The following PRKAR1B variants were observed in gnomAD, a reference collection of about 807,000 sequenced individuals.
PRKAR1B encodes cAMP-dependent protein kinase type I-beta regulatory subunit.
A neutral mutation model predicts 46.5 loss-of-function variants in PRKAR1B; 22 were observed. The ratio of observed to expected loss-of-function variants is 0.47; its 90% confidence interval spans 0.34 to 0.68. The LOEUF (loss-of-function observed/expected upper bound fraction) is 0.68, where lower values mean the gene tolerates loss of function less well. Ranked by LOEUF, PRKAR1B falls within the 30% of genes least tolerant of loss-of-function variation. The pLI, the probability that PRKAR1B is intolerant of heterozygous loss-of-function variation, is 0.01. For synonymous variants in PRKAR1B, 259 were observed against 217.7 expected, an observed-to-expected ratio of 1.19 and a Z score of -1.67; for missense variants, 445 against 535.6, an observed-to-expected ratio of 0.83 and a Z score of 1.67.
chr7:685,379 TACATAC>T lies in PRKAR1B; in HGVS notation c.178-4659_178-4654del, dbSNP rs1385408964. On this transcript the variant is annotated intron_variant, in intron 2 of 10. Coordinates refer to ENST00000537384, the MANE Select transcript of PRKAR1B (RefSeq NM_001164760.2). ...ATATATATATACACATATATATATA[TACATAC>T]ATATATATATATATATGTATATATA... Among the ~76,000 whole-genome samples the T allele has an allele frequency of 5.0e-4, 8 of 16,040 alleles. No individual in the cohort carries two copies. The South Asian group carries it at 0.011, about 22-fold the overall frequency. The allele number at this position is 16,040 out of a possible 152,430, so 10.5% of individuals were successfully genotyped here. A position where few individuals can be genotyped will look rare whatever the true frequency, so the allele number is the denominator to read the frequency against.
At chr7:559,362 C>G (rs546308475) in intron 9 of PRKAR1B, among the ~76,000 whole-genome samples, 1 of 152,198 alleles carries the variant, frequency 6.6e-6, no homozygotes, top group Non-Finnish European at 1.5e-5. Flanking sequence ...GCTGGTGCCA[C>G]GGCTGGGAGA....
intron 2 of PRKAR1B, among the ~76,000 whole-genome samples, chr7:687,473 G>C (rs922453979): frequency 6.6e-6 from 1 of 152,300 alleles, no homozygotes; most frequent in Middle Eastern, 3.4e-3. Context: ...GAAACACAAG[G>C]GAAGAAATTA....
rs536129868 is a variant in PRKAR1B at position 717,896 on chromosome 7, CT to C, written c.-22-6370del. 2.0e-3 allele frequency among the ~76,000 whole-genome samples: 300 copies of C among 152,100 alleles called. 1 individual carries two copies. The highest frequency in any genetic ancestry group is 3.3e-3 in the Non-Finnish European group (226 of 67,966). On this transcript the variant is annotated intron_variant, in intron 1 of 10. Transcript: ENST00000537384. ...TGTGTGTAGGTCCTGAGGCTCACCC[CT>C]GCCCGGTGGGGTACAGCAAAGGTGA...
At position 602,180 on chromosome 7, in the gene PRKAR1B, C is replaced by A. The variant is rs1337499697; in HGVS notation, c.549+4013G>T. Among the ~76,000 whole-genome samples the A allele has an allele frequency of 1.3e-5, 2 of 152,112 alleles. No homozygotes were observed. Among genetic ancestry groups the A allele is most frequent in the Non-Finnish European group, 2.9e-5 (2 of 67,998 alleles). ...GGGCAGGGGCTGGGCTGGGAGGGGA[C>A]CCAGTGAGCTCAGGGCTGGAGGAAA... On this transcript the variant is annotated intron_variant, in intron 6 of 10. Transcript: ENST00000537384. This position sits in a 1 kb window ranked among gnomAD's most constrained non-coding sequence, Gnocchi z 6.4.
chr7:581,235 G>A (rs9691972), intron 8 of PRKAR1B, among the ~76,000 whole-genome samples: 65,871 of 150,044 alleles, frequency 0.44, 15,122 homozygotes, highest in African/African-American at 0.49. Context: ...CCCGGGAGGC[G>A]GAGCTTGCAG....
intron 4 of PRKAR1B, among the ~76,000 whole-genome samples, chr7:668,394 C>T (rs1172726072): frequency 2.6e-5 from 4 of 152,198 alleles, no homozygotes; most frequent in African/African-American, 9.7e-5. Flanking sequence ...CCCCTGCCCA[C>T]TCCCTCTGGA....
At chr7:563,786 CAT>C (rs757464438) in intron 9 of PRKAR1B, among the ~76,000 whole-genome samples, 33 of 151,574 alleles carry the variant, frequency 2.2e-4, no homozygotes, top group Admixed American at 3.9e-4. Context: ...TCTGTATGTA[CAT>C]GTGTGTACGT....
intron 8 of PRKAR1B, among the ~76,000 whole-genome samples, chr7:580,966 C>T (rs9330372): frequency 0.42 from 64,232 of 151,840 alleles, 14,256 homozygotes; most frequent in African/African-American, 0.48. Context: ...GGAAGGGGGG[C>T]GAGGACCCCA....
chr7:660,926 TC>T, intron 4 of PRKAR1B, among the ~76,000 whole-genome samples: 1 of 83,846 alleles, frequency 1.2e-5, no homozygotes, highest in African/African-American at 5.0e-5. Flanking sequence ...ATGGCACAGG[TC>T]CCCAACCCAA....
rs1420164621 is a variant in PRKAR1B, at chr7:579,310, T to C, written c.837A>G (p.Gly279=). ...DALEPVQFED[G]EKIVVQGEPG... ...GCTCTCCCTGGACCACAATTTTCTC[T>C]CCATCTTCAAACTGGACGGGCTCCA... is the stretch of plus-strand genomic sequence containing the variant. Residue 279 remains glycine (G), a synonymous_variant, in exon 9 of 11, where the codon GGA becomes GGG. Coordinates refer to ENST00000537384, the MANE Select transcript of PRKAR1B (RefSeq NM_001164760.2). The C allele has an allele frequency of 6.2e-7, 1 of 1,614,040 alleles. No individual in the cohort carries two copies. Among genetic ancestry groups the C allele is most frequent in the African/African-American group, 1.3e-5 (1 of 74,930 alleles).
Position 685,308 on chromosome 7 carries a change from G to GTATATATACGTATATATATGTATACATA in PRKAR1B, c.178-4583_178-4582insTATGTATACATATATATACGTATATATA, listed in dbSNP as rs1291918558. ...TATATATGTATACATATATATATAC[G>GTATATATACGTATATATATGTATACATA]TATATATACGTATATATACGTATAT... On this transcript the variant is annotated intron_variant, in intron 2 of 10. Coordinates refer to ENST00000537384, the MANE Select transcript of PRKAR1B (RefSeq NM_001164760.2). 8.0e-4 allele frequency among the ~76,000 whole-genome samples: 9 copies of GTATATATACGTATATATATGTATACATA among 11,312 alleles called. 3 individuals are homozygous for GTATATATACGTATATATATGTATACATA. The highest frequency in any genetic ancestry group is 5.7e-4 in the Non-Finnish European group (4 of 6,966). The allele number at this position is 11,312 out of a possible 152,430, so 7.4% of individuals were successfully genotyped here. A position where few individuals can be genotyped will look rare whatever the true frequency, so the allele number is the denominator to read the frequency against.
In PRKAR1B at chr7:711,386, G is replaced by T. The variant is rs1224636634; in HGVS notation, c.120C>A (p.Ile40=). ...ACTTCATGGGGCGTTCGGGCTTGGAGATGCAGAGGTGGACGATACAGTCTT... is the reference window on the plus strand; with the variant it reads ...ACTTCATGGGGCGTTCGGGCTTGGATATGCAGAGGTGGACGATACAGTCTT... ...VLKDCIVHLC[I]SKPERPMKFL... The change falls in exon 2 of 11, where the codon ATC becomes ATA. Residue 40 remains isoleucine (I), a synonymous_variant. Transcript: ENST00000537384. 4 of 1,614,120 alleles carry T rather than the reference G, an allele frequency of 2.5e-6. No homozygotes were observed. The highest frequency in any genetic ancestry group is 3.4e-6 in the Non-Finnish European group (4 of 1,180,030).
In PRKAR1B at chr7:593,553, A is replaced by G. The variant is rs1391556449; in HGVS notation, c.708+2593T>C. Among the ~76,000 whole-genome samples, 1 of 152,158 alleles carries G rather than the reference A, an allele frequency of 6.6e-6. No homozygotes were observed. Among genetic ancestry groups the G allele is most frequent in the East Asian group, 1.9e-4 (1 of 5,182 alleles). ...AGCCGGGAGCGACAGGGCGTCAAGGATGGTGGGGAAACGGCTTATGCAACG... is the reference window on the plus strand; with the variant it reads ...AGCCGGGAGCGACAGGGCGTCAAGGGTGGTGGGGAAACGGCTTATGCAACG... On this transcript the variant is annotated intron_variant, in intron 7 of 10. Coordinates refer to ENST00000537384, the MANE Select transcript of PRKAR1B (RefSeq NM_001164760.2). This position sits in a 1 kb window ranked among gnomAD's most constrained non-coding sequence, Gnocchi z 6.1.
intron 1 of PRKAR1B, among the ~76,000 whole-genome samples, chr7:711,843 G>A (rs1780650698): frequency 1.3e-5 from 2 of 151,772 alleles, no homozygotes; most frequent in Non-Finnish European, 2.9e-5. Context: ...GGGAAGAGTG[G>A]GGGGGCCCGG....
intron 3 of PRKAR1B, among the ~76,000 whole-genome samples, 187 bp downstream of exon 3, chr7:680,368 CA>C (rs1032659699): frequency 6.6e-6 from 1 of 152,134 alleles, no homozygotes; most frequent in Non-Finnish European, 1.5e-5. Flanking sequence ...GCTCATCTGG[CA>C]AAGACAGTAG....
chr7:638,502 C>T (rs1220515847), intron 4 of PRKAR1B, among the ~76,000 whole-genome samples: 5 of 152,190 alleles, frequency 3.3e-5, no homozygotes, highest in Non-Finnish European at 5.9e-5. Context: ...CATCACGGGG[C>T]ACAGGGCTCT....
intron 6 of PRKAR1B, among the ~76,000 whole-genome samples, chr7:599,568 G>A (rs1367742714): frequency 3.9e-5 from 6 of 152,142 alleles, no homozygotes; most frequent in Non-Finnish European, 5.9e-5. Flanking sequence ...GATTACAGGC[G>A]TGAGCCACCA....
rs188627905 is a variant in PRKAR1B, at chr7:702,839, T to C, written c.177+8490A>G. 2.0e-3 allele frequency among the ~76,000 whole-genome samples: 299 copies of C among 151,768 alleles called. 1 individual carries two copies. The highest frequency in any genetic ancestry group is 6.9e-3 in the African/African-American group (288 of 41,450). On this transcript the variant is annotated intron_variant, in intron 2 of 10. Coordinates refer to ENST00000537384, the MANE Select transcript of PRKAR1B (RefSeq NM_001164760.2). ...ACTCCGTCTCAAAAAAATAAGTAAA[T>C]AAATAAATACATAAATAAATAAATA... is the stretch of plus-strand genomic sequence containing the variant.
intron 4 of PRKAR1B, among the ~76,000 whole-genome samples, chr7:664,418 G>A (rs907610918): frequency 6.6e-6 from 1 of 152,168 alleles, no homozygotes; most frequent in Admixed American, 6.5e-5. Context: ...CCCTGCCCGG[G>A]GCAGTGGGCC....
Sources: gnomAD v4.1 joint callset for allele counts (sites outside exome capture counted in the v4.1 genomes callset) on GRCh38, gnomAD v4.1.1 for gene constraint, Gnocchi (gnomAD v3.1) non-coding constraint, MANE v1.5 for transcripts, NCBI Gene and HGNC (gene_info 2026-07-23, HGNC 2026-07-21) for gene names.